The following EYS variants were observed in gnomAD, a reference collection of about 807,000 sequenced individuals.
The protein encoded by EYS is protein eyes shut homolog.
In EYS, 250 loss-of-function variants were observed where a neutral mutation model predicts 282.1. That is an observed-to-expected ratio of 0.89 (90% CI 0.80 to 0.98). The LOEUF is 0.98. EYS is among the 50% of genes least tolerant of loss of function. EYS has a pLI of 0.00. For missense variants in EYS, 4,016 were observed against 3,709.0 expected, an observed-to-expected ratio of 1.08 and a Z score of -2.15; for synonymous variants, 1,355 against 1,282.9, an observed-to-expected ratio of 1.06 and a Z score of -1.20.
intron 5 of EYS, among the ~76,000 whole-genome samples, chr6:65,458,253 A>T (rs1764700587): frequency 6.6e-6 from 1 of 152,160 alleles, no homozygotes; most frequent in African/African-American, 2.4e-5. Context: ...TGTTATAGCA[A>T]CCATATATTC....
At chr6:65,311,357 C>T (rs1473516750) in intron 11 of EYS, among the ~76,000 whole-genome samples, 2 of 152,118 alleles carry the variant, frequency 1.3e-5, no homozygotes, top group African/African-American at 4.8e-5. Context: ...AGACCCACTA[C>T]TCATATTTCA....
At chr6:64,342,592 T>C (rs1582626770) in intron 29 of EYS, among the ~76,000 whole-genome samples, 1 of 151,892 alleles carries the variant, frequency 6.6e-6, no homozygotes, top group East Asian at 1.9e-4. Context: ...GAACAACCGG[T>C]ACCAGCCACT....
chr6:63,734,759 C>T (rs946028099), intron 41 of EYS, among the ~76,000 whole-genome samples: 2 of 151,854 alleles, frequency 1.3e-5, no homozygotes, highest in African/African-American at 4.8e-5. Flanking sequence ...AGATGTGGAG[C>T]TCAGGTAGGA....
At chr6:64,420,402 T>C (rs1350374764) in intron 28 of EYS, among the ~76,000 whole-genome samples, 1 of 152,160 alleles carries the variant, frequency 6.6e-6, no homozygotes, top group Admixed American at 6.5e-5. Flanking sequence ...TTTTCCCCAT[T>C]GTCTTGGTGA....
chr6:65,034,250 T>C (rs1010527976), intron 13 of EYS, among the ~76,000 whole-genome samples: 7 of 152,180 alleles, frequency 4.6e-5, no homozygotes, highest in Non-Finnish European at 1.0e-4. Context: ...GGACTTCCCT[T>C]GTCTCAGGCA....
chr6:65,233,220 T>C (rs574390076), intron 12 of EYS, among the ~76,000 whole-genome samples: 1 of 152,268 alleles, frequency 6.6e-6, no homozygotes, highest in Admixed American at 6.5e-5. Context: ...GTATGGGTCA[T>C]ATTTTCTTGT....
At chr6:64,261,173 C>T (rs1219102355) in intron 30 of EYS, among the ~76,000 whole-genome samples, 4 of 151,996 alleles carry the variant, frequency 2.6e-5, no homozygotes, top group South Asian at 2.1e-4. Flanking sequence ...TTTCCCGGCC[C>T]GCCCCGACCA....
intron 1 of EYS, among the ~76,000 whole-genome samples, chr6:65,656,596 G>C (rs1021145349): frequency 1.3e-5 from 2 of 151,882 alleles, no homozygotes; most frequent in African/African-American, 4.8e-5. Flanking sequence ...AGAAAAGTTT[G>C]AAAGTAACTG....
chr6:64,200,347 A>G (rs1050761683), intron 31 of EYS, among the ~76,000 whole-genome samples: 1 of 152,186 alleles, frequency 6.6e-6, no homozygotes, highest in Non-Finnish European at 1.5e-5. Context: ...TAACAATAGT[A>G]TATTCATATT....
rs1766336238 is a variant in EYS at position 65,217,189 on chromosome 6, T to A, written c.2023+78674A>T. ...GTTGTGCTCTTGAGAAGTAAATGAA[T>A]CTTGGAGGATTGTCAGCTGGAATCC... On this transcript the variant is annotated intron_variant, in intron 12 of 42. Coordinates refer to ENST00000503581, the MANE Select transcript of EYS (RefSeq NM_001142800.2). Among the ~76,000 whole-genome samples the A allele has an allele frequency of 2.6e-5, 4 of 152,096 alleles. 1 individual carries two copies. The South Asian group carries it at 8.3e-4, about 31-fold the overall frequency.
chr6:63,974,467 A>G (rs1357728348), intron 35 of EYS, among the ~76,000 whole-genome samples: 1 of 152,056 alleles, frequency 6.6e-6, no homozygotes, highest in African/African-American at 2.4e-5. Flanking sequence ...GAGAAAAGAT[A>G]GTTTTCAGAT....
intron 2 of EYS, among the ~76,000 whole-genome samples, chr6:65,511,349 G>A (rs1195168415): frequency 6.6e-6 from 1 of 150,780 alleles, no homozygotes; most frequent in East Asian, 1.9e-4. Context: ...TTCTGTGTGT[G>A]TGTGTGTGTG....
At chr6:64,855,098 G>A (rs1463870384) in intron 19 of EYS, among the ~76,000 whole-genome samples, 5 of 151,560 alleles carry the variant, frequency 3.3e-5, no homozygotes, top group East Asian at 1.9e-4. Context: ...GATTATCTAC[G>A]GTTTGCATCA....
intron 26 of EYS, among the ~76,000 whole-genome samples, chr6:64,556,591 T>G (rs1312051121): frequency 2.0e-5 from 3 of 152,012 alleles, no homozygotes; most frequent in African/African-American, 7.2e-5. Context: ...TCAAATTATA[T>G]ATATACAAGG....
At chr6:65,093,305 A>G (rs1366625528) in intron 12 of EYS, among the ~76,000 whole-genome samples, 1 of 152,032 alleles carries the variant, frequency 6.6e-6, no homozygotes, top group Non-Finnish European at 1.5e-5. Context: ...GAATTCTGAA[A>G]GAATACTAAA....
intron 30 of EYS, among the ~76,000 whole-genome samples, chr6:64,300,357 C>T (rs907296384): frequency 2.6e-5 from 4 of 152,130 alleles, no homozygotes. Context: ...CCGTGGGCAG[C>T]CCATGGCAAA....
At chr6:63,981,348 A>G (rs567366407) in intron 35 of EYS, among the ~76,000 whole-genome samples, 4 of 151,762 alleles carry the variant, frequency 2.6e-5, no homozygotes, top group Non-Finnish European at 5.9e-5. Context: ...TACTACAGGC[A>G]TCTCTTCTTA....
intron 19 of EYS, among the ~76,000 whole-genome samples, chr6:64,861,207 C>T (rs1766226195): frequency 6.6e-6 from 1 of 152,196 alleles, no homozygotes; most frequent in African/African-American, 2.4e-5. Context: ...CCTCAGATTC[C>T]CTCCCATGCT....
intron 29 of EYS, among the ~76,000 whole-genome samples, chr6:64,385,631 TTA>T (rs1460604658): frequency 9.2e-5 from 14 of 152,292 alleles, no homozygotes; most frequent in African/African-American, 3.4e-4. Context: ...CTTTCGAAAT[TTA>T]GTCAATTATT....
Sources: allele counts gnomAD v4.1 joint callset (sites outside exome capture counted in the v4.1 genomes callset), GRCh38; gene constraint gnomAD v4.1.1; transcripts MANE v1.5; gene names NCBI Gene and HGNC (gene_info 2026-07-23, HGNC 2026-07-21).